The following DNAAF9 variants were observed in gnomAD, a reference collection of about 807,000 sequenced individuals.
The protein encoded by DNAAF9 is shulin.
Under a neutral mutation model 167.0 loss-of-function variants are expected in DNAAF9, and 90 were observed. That is an observed-to-expected ratio of 0.54 (90% confidence interval 0.45 to 0.64). The LOEUF is 0.64. Ranked by LOEUF, DNAAF9 falls within the 30% of genes least tolerant of loss-of-function variation. DNAAF9 has a pLI of 0.00. For missense variants in DNAAF9, 1,315 were observed against 1,442.2 expected (o/e 0.91, Z 1.43); for synonymous variants, 491 against 508.8 (o/e 0.96, Z 0.47).
rs185771445 is a variant in DNAAF9 at position 3,342,847 on chromosome 20, G to A, written c.845+829C>T. Among the ~76,000 whole-genome samples, 27 of 152,278 alleles carry A rather than the reference G, an allele frequency of 1.8e-4. No individual in the cohort carries two copies. In the East Asian group the frequency reaches 5.0e-3, roughly 28 times the overall value. On this transcript the variant is annotated intron_variant, in intron 9 of 36. Coordinates refer to ENST00000252032, the MANE Select transcript of DNAAF9 (RefSeq NM_001009984.3). The stretch of plus-strand genomic sequence containing the variant: ...TGATCATGACAAAAGAGATGTGGGA[G>A]AAAACACTTTCGAACCCTCATTGAA...
chr20:3,265,779 G>A, intron 30 of DNAAF9, among the ~76,000 whole-genome samples: 1 of 149,966 alleles, frequency 6.7e-6, no homozygotes, highest in Non-Finnish European at 1.5e-5. Flanking sequence ...CTGAGTTCAA[G>A]CGATTCTCCT....
At chr20:3,317,464 A>G (rs962994510) in intron 17 of DNAAF9, among the ~76,000 whole-genome samples, 1 of 152,108 alleles carries the variant, frequency 6.6e-6, no homozygotes, top group Non-Finnish European at 1.5e-5. Context: ...GTATAGGTAT[A>G]CATATTAAAG....
chr20:3,336,268 T>TG (rs1568612417), intron 10 of DNAAF9, among the ~76,000 whole-genome samples: 1 of 149,510 alleles, frequency 6.7e-6, no homozygotes, highest in African/African-American at 2.5e-5. Context: ...GTTTTTTTTT[T>TG]TTTTTTTGCC....
chr20:3,271,710 C>T (rs1313859349), intron 29 of DNAAF9, among the ~76,000 whole-genome samples: 2 of 151,870 alleles, frequency 1.3e-5, no homozygotes, highest in Non-Finnish European at 2.9e-5. Flanking sequence ...CAGTCTCCAC[C>T]TCCCATGTTC....
chr20:3,285,468 C>T (rs1296913277), intron 27 of DNAAF9, among the ~76,000 whole-genome samples: 3 of 152,150 alleles, frequency 2.0e-5, no homozygotes, highest in Non-Finnish European at 4.4e-5. Flanking sequence ...CACTTGAGGT[C>T]AGGAGTTCAA....
At chr20:3,271,625 C>CT (rs199597627) in intron 29 of DNAAF9, among the ~76,000 whole-genome samples, 8,454 of 113,122 alleles carry the variant, frequency 0.075, 658 homozygotes, top group African/African-American at 0.23. Context: ...TTTACTTCTT[C>CT]TTTTTTTTTT....
At chr20:3,376,431 T>A in intron 3 of DNAAF9, 129 bp from the exon 4 acceptor site, 1 of 753,106 alleles carries the variant, frequency 1.3e-6, no homozygotes, top group South Asian at 2.1e-5. Flanking sequence ...AAACTGAAAA[T>A]TATTTAATTA....
intron 1 of DNAAF9, among the ~76,000 whole-genome samples, chr20:3,398,143 T>C (rs1346585654): frequency 6.6e-6 from 1 of 152,188 alleles, no homozygotes; most frequent in Non-Finnish European, 1.5e-5. Flanking sequence ...AGGATCACCA[T>C]GCAGGAAGAA....
chr20:3,315,583 G>C lies in DNAAF9; in HGVS notation c.1590+152C>G. ...CATAAATGGTTATTTCTAAAGCTCTGCTGGGAAGGGGAGGAATGCAAATAG... is the reference window on the plus strand; with the variant it reads ...CATAAATGGTTATTTCTAAAGCTCTCCTGGGAAGGGGAGGAATGCAAATAG... On this transcript the variant is annotated intron_variant, in intron 19 of 36. Transcript: ENST00000252032. This position sits in a 1 kb window ranked among gnomAD's most constrained non-coding sequence, Gnocchi z 4.1. 1 of 677,678 alleles carries C rather than the reference G, an allele frequency of 1.5e-6. No individual in the cohort carries two copies. The highest frequency in any genetic ancestry group is 2.7e-5 in the East Asian group (1 of 37,568). 42.0% of individuals were successfully genotyped at this position (677,678 alleles called of 1,614,324 possible).
intron 7 of DNAAF9, among the ~76,000 whole-genome samples, chr20:3,349,203 AC>A (rs57040310): frequency 0.25 from 23,693 of 96,294 alleles, 5,488 homozygotes; most frequent in South Asian, 0.33. Context: ...AAAAAAAAAA[AC>A]AAAAAAAAAA....
chr20:3,344,590 T>TACACACACACAC lies in DNAAF9; in HGVS notation c.790-871_790-860dup, dbSNP rs4053351. Among the ~76,000 whole-genome samples the TACACACACACAC allele has an allele frequency of 2.8e-5, 4 of 144,528 alleles. 1 individual carries two copies. Among genetic ancestry groups the TACACACACACAC allele is most frequent in the Admixed American group, 7.0e-5 (1 of 14,262 alleles). 94.8% of individuals were successfully genotyped at this position (144,528 alleles called of 152,430 possible). On this transcript the variant is annotated intron_variant, in intron 8 of 36. Coordinates refer to ENST00000252032, the MANE Select transcript of DNAAF9 (RefSeq NM_001009984.3). ...ATATAATGGAAAAAATACACACACA[T>TACACACACACAC]ACACACACACACACACACACACACA...
At chr20:3,381,305 G>A in intron 3 of DNAAF9, 74 bp downstream of exon 3, 1 of 1,196,584 alleles carries the variant, frequency 8.4e-7, no homozygotes, top group South Asian at 1.7e-5. Context: ...TCCATAAGAA[G>A]ACCATAAAAT....
intron 1 of DNAAF9, among the ~76,000 whole-genome samples, chr20:3,393,148 C>T (rs530699215): frequency 6.6e-6 from 1 of 152,234 alleles, no homozygotes; most frequent in Non-Finnish European, 1.5e-5. Context: ...TACCTGATCA[C>T]TAATGATGTT....
intron 1 of DNAAF9, among the ~76,000 whole-genome samples, chr20:3,396,279 T>C (rs1185350139): frequency 6.6e-6 from 1 of 152,254 alleles, no homozygotes; most frequent in East Asian, 1.9e-4. Context: ...TTTTGTCTAT[T>C]GTCTTAAGTT....
chr20:3,401,415 G>A (rs1020449472), intron 1 of DNAAF9, among the ~76,000 whole-genome samples: 1 of 151,992 alleles, frequency 6.6e-6, no homozygotes, highest in Non-Finnish European at 1.5e-5. Context: ...GGCCAGGCTG[G>A]TCTTGAACTC....
chr20:3,253,468 C>T (rs1600645388), intron 36 of DNAAF9, among the ~76,000 whole-genome samples: 1 of 151,992 alleles, frequency 6.6e-6, no homozygotes, highest in African/African-American at 2.4e-5. Flanking sequence ...CAAGACAAAA[C>T]CAAAAAACTA....
intron 1 of DNAAF9, among the ~76,000 whole-genome samples, chr20:3,397,597 C>T (rs986434246): frequency 2.0e-5 from 3 of 152,152 alleles, no homozygotes; most frequent in African/African-American, 4.8e-5. Context: ...GGATTACAGG[C>T]GTGAGCCACC....
At chr20:3,269,306 C>A (rs1332829739) in intron 30 of DNAAF9, among the ~76,000 whole-genome samples, 1 of 151,578 alleles carries the variant, frequency 6.6e-6, no homozygotes, top group Non-Finnish European at 1.5e-5. Flanking sequence ...AACTCCTGGG[C>A]TCAGGCAATC....
intron 10 of DNAAF9, among the ~76,000 whole-genome samples, chr20:3,336,674 C>G (rs1029336450): frequency 6.6e-6 from 1 of 152,002 alleles, no homozygotes; most frequent in Non-Finnish European, 1.5e-5. Flanking sequence ...CTCAGCCTCC[C>G]GAGCAGCTGG....
Sources: allele counts gnomAD v4.1 joint callset (sites outside exome capture counted in the v4.1 genomes callset), GRCh38; gene constraint gnomAD v4.1.1; non-coding constraint Gnocchi (gnomAD v3.1); transcripts MANE v1.5; gene names NCBI Gene and HGNC (gene_info 2026-07-23, HGNC 2026-07-21).